LIFR: variants seen among roughly 807,000 people sequenced by gnomAD.
LIFR encodes leukemia inhibitory factor receptor.
A neutral mutation model predicts 122.2 loss-of-function variants in LIFR; 84 were observed. The observed-to-expected ratio is 0.69, with a 90% CI of 0.58 to 0.82. The LOEUF (loss-of-function observed/expected upper bound fraction) is 0.82. Among genes scored for constraint, LIFR ranks in the 40% least tolerant of loss-of-function variants. The probability of loss-of-function intolerance (pLI) is 0.00; values close to 1 mark genes in which losing one functional copy is unlikely to be tolerated. For synonymous variants in LIFR, 422 were observed against 434.7 expected (o/e 0.97, Z 0.36); for missense variants, 1,294 against 1,311.6 (o/e 0.99, Z 0.21).
At chr5:38,592,837 G>GACATAGT (rs1437348676) in intron 1 of LIFR, among the ~76,000 whole-genome samples, 3 of 152,190 alleles carry the variant, frequency 2.0e-5, no homozygotes, top group African/African-American at 7.2e-5. Flanking sequence ...AAATGTGACG[G>GACATAGT]ACATAGTAGC....
chr5:38,594,188 G>A (rs1750022500), intron 1 of LIFR, among the ~76,000 whole-genome samples: 1 of 152,030 alleles, frequency 6.6e-6, no homozygotes. Flanking sequence ...TTGGCTAGTA[G>A]ACAGTTCTTT....
chr5:38,539,554 T>C (rs902536117), intron 1 of LIFR, among the ~76,000 whole-genome samples: 18 of 152,192 alleles, frequency 1.2e-4, no homozygotes, highest in African/African-American at 4.3e-4. Context: ...TACCATTCAG[T>C]TATTTGTCTA....
rs1194332992 is a variant in LIFR at position 38,502,652 on chromosome 5, A to T, written c.1585T>A (p.Leu529Ile). The change falls in exon 11 of 20, where the codon TTA becomes ATA. Residue 529 changes from leucine (L) to isoleucine (I), a missense_variant. Transcript: ENST00000453190. ...GTTAACTTACTGGCTTCTGTTGTTA[A>T]ATGTTGTTTTTTATTGCTCCATTTG... ...WSKWSNKKQHLTTEASPSKGP... is the reference protein window; with the variant it reads ...WSKWSNKKQHITTEASPSKGP... The T allele has an allele frequency of 6.2e-7, 1 of 1,613,054 alleles. No individual in the cohort carries two copies. The highest frequency in any genetic ancestry group is 2.2e-5 in the East Asian group (1 of 44,812).
In LIFR at chr5:38,475,524, C is replaced by T. The variant is rs1008903618; in HGVS notation, c.*6071G>A. The T allele has an allele frequency of 1.4e-4, 26 of 191,324 alleles. No homozygotes were observed. In the Middle Eastern group the frequency reaches 7.4e-3, roughly 54 times the overall value. The allele number at this position is 191,324 out of a possible 1,614,324, so 11.9% of individuals were successfully genotyped here. On this transcript the variant is annotated 3_prime_UTR_variant, in exon 20 of 20. Transcript: ENST00000453190. ...GTTTCTCCCTATCTTCTTTCAGCTA[C>T]ATTTACAAGCATTTGACCAAACAAA...
At chr5:38,535,008 G>A (rs1747218376) in intron 1 of LIFR, among the ~76,000 whole-genome samples, 1 of 152,162 alleles carries the variant, frequency 6.6e-6, no homozygotes, top group Admixed American at 6.5e-5. Context: ...CATGCAAAAT[G>A]TCAAAAGATG....
chr5:38,585,903 C>T (rs1393464305), intron 1 of LIFR, among the ~76,000 whole-genome samples: 1 of 152,110 alleles, frequency 6.6e-6, no homozygotes, highest in African/African-American at 2.4e-5. Flanking sequence ...ATCTTCTCTT[C>T]TTCATCCACT....
At chr5:38,531,732 G>A (rs576139379) in intron 1 of LIFR, among the ~76,000 whole-genome samples, 29 of 152,184 alleles carry the variant, frequency 1.9e-4, no homozygotes, top group African/African-American at 7.0e-4. Context: ...ATAAAGGAAA[G>A]GAGATCCAAC....
intron 10 of LIFR, among the ~76,000 whole-genome samples, 190 bp downstream of exon 10, chr5:38,503,786 A>G (rs918687506): frequency 6.6e-6 from 1 of 152,192 alleles, no homozygotes; most frequent in Non-Finnish European, 1.5e-5. Context: ...CTGAGGAGTA[A>G]AAGTCATATT....
intron 2 of LIFR, among the ~76,000 whole-genome samples, chr5:38,601,967 G>A (rs969745935): frequency 5.9e-5 from 9 of 152,148 alleles, no homozygotes; most frequent in East Asian, 5.8e-4. Flanking sequence ...AGAAACCACC[G>A]CATCATCCTT....
At chr5:38,563,927 A>G (rs959978769) in intron 1 of LIFR, among the ~76,000 whole-genome samples, 1 of 152,116 alleles carries the variant, frequency 6.6e-6, no homozygotes, top group Non-Finnish European at 1.5e-5. Context: ...GATCTCACCT[A>G]CACCGTAGTG....
intron 1 of LIFR, chr5:38,608,115 T>C (rs1240588079): frequency 1.3e-5 from 2 of 151,606 alleles, no homozygotes; most frequent in African/African-American, 2.4e-5. Flanking sequence ...GAAAAGGAGG[T>C]AGAGACAGAG....
intron 15 of LIFR, 118 bp downstream of exon 15, chr5:38,490,072 T>C (rs1227878339): frequency 2.2e-6 from 1 of 463,646 alleles, no homozygotes; most frequent in Non-Finnish European, 3.9e-6. Flanking sequence ...TTTATCAAAT[T>C]ATTTTACCTT....
chr5:38,527,893 T>C (rs1012441138), intron 3 of LIFR, among the ~76,000 whole-genome samples: 17 of 152,220 alleles, frequency 1.1e-4, no homozygotes, highest in African/African-American at 4.1e-4. Context: ...TGTTTCAAAC[T>C]TCTTATACAA....
At chr5:38,567,035 C>T (rs1270824513) in intron 1 of LIFR, among the ~76,000 whole-genome samples, 1 of 152,192 alleles carries the variant, frequency 6.6e-6, no homozygotes, top group African/African-American at 2.4e-5. Context: ...AGAGATGACC[C>T]AGTCTAAGTG....
chr5:38,499,001 C>T (rs1475532402), intron 12 of LIFR, among the ~76,000 whole-genome samples: 1 of 151,930 alleles, frequency 6.6e-6, no homozygotes, highest in African/African-American at 2.4e-5. Flanking sequence ...TCATAAAATA[C>T]TTAAAAATAT....
intron 4 of LIFR, among the ~76,000 whole-genome samples, 165 bp from the exon 5 acceptor site, chr5:38,523,747 C>CT (rs749906584): frequency 6.6e-6 from 1 of 152,038 alleles, no homozygotes; most frequent in Non-Finnish European, 1.5e-5. Flanking sequence ...AGGACATGGA[C>CT]TGAGATGCCA....
rs376758192 is a variant in LIFR at position 38,486,000 on chromosome 5, T to C, written c.2336-20A>G. 1.1e-5 allele frequency: 17 copies of C among 1,601,978 alleles called. No homozygotes were observed. The highest frequency in any genetic ancestry group is 1.7e-4 in the Middle Eastern group (1 of 5,890). ...AACGACCTATTTTTAAAATGAAGTATGTTAGCACTAATCTCTAACCCGTTT... is the reference window on the plus strand; with the variant it reads ...AACGACCTATTTTTAAAATGAAGTACGTTAGCACTAATCTCTAACCCGTTT... On this transcript the variant is annotated intron_variant, in intron 16 of 19. Transcript: ENST00000453190.
intron 4 of LIFR, 61 bp downstream of exon 4, chr5:38,527,094 C>A: frequency 4.1e-6 from 6 of 1,455,454 alleles, no homozygotes; most frequent in Non-Finnish European, 5.6e-6. Context: ...TAGAAAGCAC[C>A]ACAATACTAA....
At chr5:38,487,170 T>C (rs1744331029) in intron 16 of LIFR, among the ~76,000 whole-genome samples, 1 of 152,202 alleles carries the variant, frequency 6.6e-6, no homozygotes, top group South Asian at 2.1e-4. Flanking sequence ...CTGCTCTCTC[T>C]CCCCTGTGGC....
Sources: gnomAD v4.1 joint callset for allele counts (sites outside exome capture counted in the v4.1 genomes callset) on GRCh38, gnomAD v4.1.1 for gene constraint, MANE v1.5 for transcripts, NCBI Gene and HGNC (gene_info 2026-07-23, HGNC 2026-07-21) for gene names.